SCFD2: variants seen among roughly 807,000 people sequenced by gnomAD.
The protein encoded by SCFD2 is sec1 family domain containing 2, also known as sec1 family domain-containing protein 2.
Under a neutral mutation model 58.9 loss-of-function variants are expected in SCFD2, and 54 were observed. That is an observed-to-expected ratio of 0.92 (90% confidence interval 0.74 to 1.15). The LOEUF (loss-of-function observed/expected upper bound fraction) is 1.15. SCFD2 is among the 50% of genes most tolerant of loss of function. The pLI is 0.00. For synonymous variants in SCFD2, 321 were observed against 335.9 expected, an observed-to-expected ratio of 0.96 and a Z score of 0.49; for missense variants, 805 against 836.6, an observed-to-expected ratio of 0.96 and a Z score of 0.47.
chr4:53,249,254 GA>G (rs1730251120), intron 4 of SCFD2, among the ~76,000 whole-genome samples: 1 of 152,038 alleles, frequency 6.6e-6, no homozygotes, highest in Non-Finnish European at 1.5e-5. Flanking sequence ...GAAGTTTAGA[GA>G]AAAAAGAACA....
In SCFD2 at chr4:52,873,770, C is replaced by CT. The variant is rs74931823; in HGVS notation, c.*198dup. 0.06 allele frequency: 19,859 copies of CT among 331,536 alleles called. 2 individuals are homozygous for CT. Among genetic ancestry groups the CT allele is most frequent in the East Asian group, 0.087 (1,794 of 20,616 alleles). The allele number at this position is 331,536 out of a possible 1,614,324, so 20.5% of individuals were successfully genotyped here. A position where few individuals can be genotyped will look rare whatever the true frequency, so the allele number is the denominator to read the frequency against. ...TGTCGCCTTCAGGAAAATAAAAAAA[C>CT]TTTTTTTTTTTTTTTTTAAGAATCA... is the stretch of plus-strand genomic sequence containing the variant. On this transcript the variant is annotated 3_prime_UTR_variant, in exon 9 of 9. Coordinates refer to ENST00000401642, the MANE Select transcript of SCFD2 (RefSeq NM_152540.4).
intron 5 of SCFD2, among the ~76,000 whole-genome samples, chr4:53,126,259 AAAG>A (rs1378198227): frequency 1.3e-5 from 2 of 152,176 alleles, no homozygotes; most frequent in Non-Finnish European, 1.5e-5. Flanking sequence ...GAGAGGAGAG[AAAG>A]AAGATGAAAG....
chr4:53,090,887 G>C (rs1280811166), intron 5 of SCFD2, among the ~76,000 whole-genome samples: 1 of 152,098 alleles, frequency 6.6e-6, no homozygotes, highest in Non-Finnish European at 1.5e-5. Context: ...TTACAGAGGA[G>C]ACAATTGAAG....
intron 3 of SCFD2, among the ~76,000 whole-genome samples, chr4:53,307,482 C>G (rs1732552335): frequency 6.6e-6 from 1 of 152,146 alleles, no homozygotes. Flanking sequence ...GCTTTGTATC[C>G]TTGCTTACTT....
At chr4:52,889,828 A>G (rs967034247) in intron 7 of SCFD2, among the ~76,000 whole-genome samples, 1 of 151,900 alleles carries the variant, frequency 6.6e-6, no homozygotes, top group African/African-American at 2.4e-5. Flanking sequence ...GAACTCTAAC[A>G]CTCTACCTTA....
intron 3 of SCFD2, among the ~76,000 whole-genome samples, chr4:53,298,160 G>A (rs1027713797): frequency 6.6e-5 from 10 of 152,220 alleles, no homozygotes; most frequent in East Asian, 1.9e-4. Context: ...CACTTCACCC[G>A]GGAAGCGCAA....
At chr4:53,096,278 T>C (rs942464704) in intron 5 of SCFD2, among the ~76,000 whole-genome samples, 2 of 152,200 alleles carry the variant, frequency 1.3e-5, no homozygotes. Flanking sequence ...TTCTAGATCC[T>C]TGAGGAATCG....
At chr4:53,296,714 T>C (rs1289052173) in intron 3 of SCFD2, among the ~76,000 whole-genome samples, 1 of 152,210 alleles carries the variant, frequency 6.6e-6, no homozygotes, top group African/African-American at 2.4e-5. Context: ...TCCCTAGTTC[T>C]TTTCAATGTG....
Position 52,907,594 on chromosome 4 carries a change from G to A in SCFD2, c.1708-3C>T, listed in dbSNP as rs769733952. 8.7e-6 allele frequency: 14 copies of A among 1,613,878 alleles called. No homozygotes were observed. In the African/African-American group the frequency reaches 1.6e-4, roughly 18 times the overall value. On this transcript the variant is annotated splice_polypyrimidine_tract_variant and splice_region_variant and intron_variant, in intron 6 of 8. Coordinates refer to ENST00000401642, the MANE Select transcript of SCFD2 (RefSeq NM_152540.4). ...TTCAACAATGGCTTATAAGATGCCTGGAAAGACAAAATACTATGAGTAAAG... is the reference window on the plus strand; with the variant it reads ...TTCAACAATGGCTTATAAGATGCCTAGAAAGACAAAATACTATGAGTAAAG...
chr4:53,228,395 G>A (rs907164015), intron 4 of SCFD2, among the ~76,000 whole-genome samples: 7 of 152,044 alleles, frequency 4.6e-5, no homozygotes, highest in African/African-American at 7.2e-5. Flanking sequence ...CTTCTTCTAC[G>A]ACTCTTGGCA....
intron 8 of SCFD2, among the ~76,000 whole-genome samples, chr4:52,881,841 A>T (rs986921840): frequency 5.9e-5 from 9 of 152,274 alleles, no homozygotes; most frequent in Middle Eastern, 3.4e-3. Flanking sequence ...TGGACATTCA[A>T]TTAACATTCA....
intron 5 of SCFD2, among the ~76,000 whole-genome samples, chr4:53,002,352 G>A (rs1721881157): frequency 6.6e-6 from 1 of 152,122 alleles, no homozygotes; most frequent in Non-Finnish European, 1.5e-5. Flanking sequence ...AGACTTAGAA[G>A]GCCTGGAGAG....
At chr4:53,166,357 T>C (rs1727008366) in intron 4 of SCFD2, among the ~76,000 whole-genome samples, 2 of 152,230 alleles carry the variant, frequency 1.3e-5, no homozygotes, top group Non-Finnish European at 2.9e-5. Context: ...ATACAATCTT[T>C]CTTTGCTTTT....
intron 3 of SCFD2, among the ~76,000 whole-genome samples, chr4:53,293,221 C>A (rs1467536220): frequency 6.6e-6 from 1 of 152,072 alleles, no homozygotes; most frequent in Non-Finnish European, 1.5e-5. Context: ...CCAAATACTG[C>A]ATGTTCTCAC....
intron 4 of SCFD2, among the ~76,000 whole-genome samples, chr4:53,200,993 AT>A (rs1281352218): frequency 9.1e-5 from 13 of 143,354 alleles, no homozygotes; most frequent in Non-Finnish European, 1.8e-4. Context: ...ACAAATATTA[AT>A]TTTATTTTAA....
intron 5 of SCFD2, among the ~76,000 whole-genome samples, chr4:53,123,708 G>C (rs1392987840): frequency 1.3e-5 from 2 of 152,186 alleles, no homozygotes; most frequent in African/African-American, 4.8e-5. Context: ...AGAAGAAAGG[G>C]CAAGGCCCTG....
At chr4:52,930,683 T>C (rs1719972117) in intron 5 of SCFD2, among the ~76,000 whole-genome samples, 1 of 152,212 alleles carries the variant, frequency 6.6e-6, no homozygotes, top group Non-Finnish European at 1.5e-5. Context: ...TAAGGTTTTA[T>C]GTGTTAAATA....
At chr4:53,161,274 T>C (rs1726844834) in intron 4 of SCFD2, among the ~76,000 whole-genome samples, 1 of 152,202 alleles carries the variant, frequency 6.6e-6, no homozygotes, top group Non-Finnish European at 1.5e-5. Context: ...TGTACTTTTC[T>C]ATATTATATT....
At chr4:53,260,956 G>A (rs1347144004) in intron 4 of SCFD2, among the ~76,000 whole-genome samples, 2 of 152,056 alleles carry the variant, frequency 1.3e-5, no homozygotes, top group Non-Finnish European at 2.9e-5. Flanking sequence ...ATCTAGAAGG[G>A]TTGTATATTT....
Sources: allele counts gnomAD v4.1 joint callset (sites outside exome capture counted in the v4.1 genomes callset), GRCh38; gene constraint gnomAD v4.1.1; transcripts MANE v1.5; gene names NCBI Gene and HGNC (gene_info 2026-07-23, HGNC 2026-07-21).